The following ASAP1 variants were observed in gnomAD, a reference collection of about 807,000 sequenced individuals.
ASAP1 encodes the protein arf-GAP with SH3 domain, ANK repeat and PH domain-containing protein 1.
In ASAP1, 43 loss-of-function variants were observed where a neutral mutation model predicts 145.2. The observed-to-expected ratio is 0.30, with a 90% CI of 0.23 to 0.38. The LOEUF (loss-of-function observed/expected upper bound fraction) is 0.38. Ranked by LOEUF, ASAP1 falls within the 10% of genes least tolerant of loss-of-function variation. The probability of loss-of-function intolerance (pLI) is 1.00; values close to 1 mark genes in which losing one functional copy is unlikely to be tolerated. For synonymous variants in ASAP1, 546 were observed against 515.5 expected, an observed-to-expected ratio of 1.06 and a Z score of -0.80; for missense variants, 1,018 against 1,355.3, an observed-to-expected ratio of 0.75 and a Z score of 3.91.
intron 3 of ASAP1, among the ~76,000 whole-genome samples, chr8:130,318,673 C>T (rs1823817172): frequency 6.6e-6 from 1 of 152,184 alleles, no homozygotes; most frequent in African/African-American, 2.4e-5. Flanking sequence ...GTATTATCAC[C>T]TCCTTTTACA....
At chr8:130,442,257 G>C (rs1830510701) in intron 1 of ASAP1, among the ~76,000 whole-genome samples, 1 of 152,160 alleles carries the variant, frequency 6.6e-6, no homozygotes, top group African/African-American at 2.4e-5. Flanking sequence ...TAACACAGAA[G>C]GGGCATGGGA....
At chr8:130,077,537 C>CTTTTTTTTTT in intron 26 of ASAP1, among the ~76,000 whole-genome samples, 1 of 62,030 alleles carries the variant, frequency 1.6e-5, no homozygotes, top group Non-Finnish European at 2.8e-5. Flanking sequence ...GCTGCTGCTG[C>CTTTTTTTTTT]TTTTTTTTTT....
At chr8:130,374,454 G>C (rs1827383416) in intron 2 of ASAP1, among the ~76,000 whole-genome samples, 1 of 152,190 alleles carries the variant, frequency 6.6e-6, no homozygotes, top group Non-Finnish European at 1.5e-5. Context: ...AGGATTGCTT[G>C]AGCCCAAAAG....
chr8:130,269,804 C>T (rs1330460542), intron 3 of ASAP1, among the ~76,000 whole-genome samples: 5 of 152,178 alleles, frequency 3.3e-5, no homozygotes, highest in African/African-American at 9.7e-5. Flanking sequence ...TCTCTGGTAC[C>T]TGCATTAGAT....
At chr8:130,108,757 GTTTTTTTTTTTTTTTTTT>G (rs10568607) in intron 24 of ASAP1, among the ~76,000 whole-genome samples, 9 of 51,558 alleles carry the variant, frequency 1.7e-4, no homozygotes, top group African/African-American at 5.0e-4. Context: ...TCAAAAACCA[GTTTTTTTTTTTTTTTTTT>G]TTTTTTTTTT....
chr8:130,122,435 T>C (rs921037088), intron 18 of ASAP1, among the ~76,000 whole-genome samples: 1 of 152,184 alleles, frequency 6.6e-6, no homozygotes, highest in African/African-American at 2.4e-5. Context: ...AAGGAAGTAA[T>C]AATAGTAGTA....
chr8:130,292,803 ACT>A lies in ASAP1; in HGVS notation c.187-55811_187-55810del, dbSNP rs149696327. ...AAACTGCTACTGATTTTACTGTGTG[ACT>A]CTAGGCATGTCACATAACCTCTCTG... On this transcript the variant is annotated intron_variant, in intron 3 of 29. Transcript: ENST00000518721. 7.1e-3 allele frequency among the ~76,000 whole-genome samples: 1,084 copies of A among 152,288 alleles called. 14 individuals carry two copies. The highest frequency in any genetic ancestry group is 0.025 in the African/African-American group (1,038 of 41,546).
chr8:130,345,583 T>C (rs1006821701), intron 3 of ASAP1, among the ~76,000 whole-genome samples: 7 of 152,158 alleles, frequency 4.6e-5, no homozygotes, highest in African/African-American at 1.7e-4. Context: ...GTGGGGGCTA[T>C]GGAGCCAGGC....
intron 1 of ASAP1, among the ~76,000 whole-genome samples, chr8:130,413,350 T>C (rs1829344416): frequency 6.6e-6 from 1 of 152,176 alleles, no homozygotes; most frequent in Non-Finnish European, 1.5e-5. Context: ...ATCAGCCCAC[T>C]TGACCACACT....
chr8:130,064,609 G>A (rs751635571), intron 27 of ASAP1, among the ~76,000 whole-genome samples: 12 of 152,050 alleles, frequency 7.9e-5, no homozygotes, highest in Non-Finnish European at 1.2e-4. Context: ...GTGACCAAAT[G>A]TGTGGGGGTC....
At chr8:130,357,418 A>G (rs1403464662) in intron 3 of ASAP1, among the ~76,000 whole-genome samples, 2 of 152,240 alleles carry the variant, frequency 1.3e-5, no homozygotes, top group African/African-American at 4.8e-5. Flanking sequence ...AGCCGGGTGG[A>G]AACCTATGTG....
At chr8:130,310,951 A>G (rs892466017) in intron 3 of ASAP1, among the ~76,000 whole-genome samples, 1 of 152,224 alleles carries the variant, frequency 6.6e-6, no homozygotes. Flanking sequence ...CTGGGCCAGT[A>G]TCTACTAAGG....
At chr8:130,347,361 T>C (rs1267060790) in intron 3 of ASAP1, among the ~76,000 whole-genome samples, 1 of 152,204 alleles carries the variant, frequency 6.6e-6, no homozygotes, top group Non-Finnish European at 1.5e-5. Flanking sequence ...GAGGTGACAC[T>C]TGCAGAGGGA....
At position 130,214,658 on chromosome 8, in the gene ASAP1, C is replaced by T. The variant is rs1157433220; in HGVS notation, c.303G>A (p.Lys101=). 10 of 1,609,248 alleles carry T rather than the reference C, an allele frequency of 6.2e-6. No individual in the cohort carries two copies. The highest frequency in any genetic ancestry group is 8.5e-6 in the Non-Finnish European group (10 of 1,177,854). Residue 101 remains lysine (K), a synonymous_variant, in exon 5 of 30, where the codon AAG becomes AAA. Coordinates refer to ENST00000518721, the MANE Select transcript of ASAP1 (RefSeq NM_018482.4). ...CTCGACTTAAAAAATTACTCCCAAA[C>T]TTATCAAGAACTTGTGCATAGTTTT... ...NEENYAQVLD[K]FGSNFLSRDN...
intron 3 of ASAP1, among the ~76,000 whole-genome samples, chr8:130,266,321 T>C (rs1177993964): frequency 1.3e-5 from 2 of 152,122 alleles, no homozygotes; most frequent in South Asian, 2.1e-4. Context: ...TGCAAAGTGA[T>C]TGTATACAAC....
At chr8:130,426,839 G>C (rs1565307147) in intron 1 of ASAP1, among the ~76,000 whole-genome samples, 1 of 152,102 alleles carries the variant, frequency 6.6e-6, no homozygotes, top group Non-Finnish European at 1.5e-5. Context: ...TCTTCCATAA[G>C]GACTATTTGT....
chr8:130,430,103 C>G (rs553246699), intron 1 of ASAP1, among the ~76,000 whole-genome samples: 1 of 152,292 alleles, frequency 6.6e-6, no homozygotes, highest in Non-Finnish European at 1.5e-5. Context: ...ACCAGGGCCC[C>G]GATCCTTCTG....
intron 1 of ASAP1, among the ~76,000 whole-genome samples, chr8:130,437,970 A>G (rs1830374006): frequency 6.6e-6 from 1 of 152,350 alleles, no homozygotes; most frequent in East Asian, 1.9e-4. Flanking sequence ...CAGTGAAGGA[A>G]GAGGAAACAC....
rs1406629139 is a variant in ASAP1 at position 130,052,671 on chromosome 8, A to C, written c.*2060T>G. 1 of 152,390 alleles carries C rather than the reference A, an allele frequency of 6.6e-6. No homozygotes were observed. Among genetic ancestry groups the C allele is most frequent in the East Asian group, 1.9e-4 (1 of 5,206 alleles). 9.4% of individuals were successfully genotyped at this position (152,390 alleles called of 1,614,324 possible). A position where few individuals can be genotyped will look rare whatever the true frequency, so the allele number is the denominator to read the frequency against. On this transcript the variant is annotated 3_prime_UTR_variant, in exon 30 of 30. Coordinates refer to ENST00000518721, the MANE Select transcript of ASAP1 (RefSeq NM_018482.4). ...TGTGTAAGTTGCTGCAAAAGGGGAAAAAGAATAGACACTAACTCCATGTAA... is the reference window on the plus strand; with the variant it reads ...TGTGTAAGTTGCTGCAAAAGGGGAACAAGAATAGACACTAACTCCATGTAA...
Sources: allele counts gnomAD v4.1 joint callset (sites outside exome capture counted in the v4.1 genomes callset), GRCh38; gene constraint gnomAD v4.1.1; transcripts MANE v1.5; gene names NCBI Gene and HGNC (gene_info 2026-07-23, HGNC 2026-07-21).